ANKRD17: variants seen among roughly 807,000 people sequenced by gnomAD.
The protein encoded by ANKRD17 is ankyrin repeat domain-containing protein 17.
In ANKRD17, 19 loss-of-function variants were observed where a neutral mutation model predicts 229.7. The observed-to-expected ratio is 0.08, with a 90% confidence interval of 0.06 to 0.12. The LOEUF (loss-of-function observed/expected upper bound fraction) is 0.12. Ranked by LOEUF, ANKRD17 falls within the 10% of genes least tolerant of loss-of-function variation. ANKRD17 has a pLI of 1.00. For synonymous variants in ANKRD17, 1,112 were observed against 1,146.1 expected, an observed-to-expected ratio of 0.97 and a Z score of 0.60; for missense variants, 2,176 against 3,176.8, an observed-to-expected ratio of 0.68 and a Z score of 7.57.
At chr4:73,145,401 T>C (rs1236282571) in intron 10 of ANKRD17, among the ~76,000 whole-genome samples, 1 of 152,174 alleles carries the variant, frequency 6.6e-6, no homozygotes, top group African/African-American at 2.4e-5. Context: ...AAGAGCTTTC[T>C]GGGTCCCAAA....
Position 73,258,339 on chromosome 4 carries a change from G to GCCGCCGCCGCCACCTCCGCCTCCA in ANKRD17, c.306_329dup (p.Gly103_Gly110dup). 1 of 1,612,666 alleles carries GCCGCCGCCGCCACCTCCGCCTCCA rather than the reference G, an allele frequency of 6.2e-7. No homozygotes were observed. The highest frequency in any genetic ancestry group is 8.5e-7 in the Non-Finnish European group (1 of 1,179,634). ...CTTCCTCGCTGTTGTTACTGCTGGT[G>GCCGCCGCCGCCACCTCCGCCTCCA]CCGCCGCCGCCACCTCCGCCTCCAC... On this transcript the variant is annotated inframe_insertion, in exon 1 of 34. Coordinates refer to ENST00000358602, the MANE Select transcript of ANKRD17 (RefSeq NM_032217.5).
Position 73,135,109 on chromosome 4 carries a change from G to A in ANKRD17, c.3234+8C>T. 1 of 1,610,088 alleles carries A rather than the reference G, an allele frequency of 6.2e-7. No homozygotes were observed. Among genetic ancestry groups the A allele is most frequent in the Non-Finnish European group, 8.5e-7 (1 of 1,177,338 alleles). ...GAAAAAACCATCTCTCTTAAGTTTG[G>A]GACTTACCTGTGCATCAATATCAAT... On this transcript the variant is annotated splice_region_variant and intron_variant, in intron 16 of 33. Transcript: ENST00000358602.
At chr4:73,187,081 G>T (rs1307760420) in intron 1 of ANKRD17, among the ~76,000 whole-genome samples, 9 of 152,150 alleles carry the variant, frequency 5.9e-5, no homozygotes, top group Non-Finnish European at 1.2e-4. Context: ...GTGGGGACCT[G>T]TTAGGGGTCA....
intron 16 of ANKRD17, among the ~76,000 whole-genome samples, chr4:73,127,422 CAT>C (rs1727618554): frequency 6.6e-6 from 1 of 152,082 alleles, no homozygotes; most frequent in African/African-American, 2.4e-5. Flanking sequence ...TTTCTTTTCA[CAT>C]TTTTTAATGC....
At chr4:73,174,509 C>G (rs867179198) in intron 2 of ANKRD17, among the ~76,000 whole-genome samples, 1 of 152,110 alleles carries the variant, frequency 6.6e-6, no homozygotes, top group Non-Finnish European at 1.5e-5. Context: ...AAGCATCCCC[C>G]CAAGAACTGG....
rs1730129238 is a variant in ANKRD17 at position 73,145,341 on chromosome 4, T to C, written c.1870-509A>G. ...TTCCTATTATCTCTAGTTTCCCTTA[T>C]ACAAAAATGATAACAAACTTTTCTA... On this transcript the variant is annotated intron_variant, in intron 10 of 33. Transcript: ENST00000358602. 2.0e-5 allele frequency among the ~76,000 whole-genome samples: 3 copies of C among 152,102 alleles called. No homozygotes were observed. In the South Asian group the frequency reaches 6.2e-4, roughly 32 times the overall value.
At chr4:73,236,481 T>A (rs890613536) in intron 1 of ANKRD17, among the ~76,000 whole-genome samples, 2 of 152,150 alleles carry the variant, frequency 1.3e-5, no homozygotes, top group East Asian at 3.9e-4. Flanking sequence ...AAGGTTCATA[T>A]TGTATGGTTC....
intron 30 of ANKRD17, among the ~76,000 whole-genome samples, chr4:73,082,987 G>A (rs1456626363): frequency 2.0e-5 from 3 of 152,090 alleles, no homozygotes; most frequent in Non-Finnish European, 4.4e-5. Flanking sequence ...AAGTTATTTA[G>A]GGGCAAAAGG....
chr4:73,168,372 TGATTATA>T (rs1733517621), intron 2 of ANKRD17, among the ~76,000 whole-genome samples: 2 of 152,112 alleles, frequency 1.3e-5, no homozygotes, highest in South Asian at 2.1e-4. Context: ...GTCTTTAAAA[TGATTATA>T]GAGATTTCAT....
intron 6 of ANKRD17, 97 bp downstream of exon 6, chr4:73,153,783 T>C: frequency 1.2e-6 from 1 of 862,140 alleles, no homozygotes; most frequent in Non-Finnish European, 1.7e-6. Context: ...CTATATACTA[T>C]CATTGTTTTA....
chr4:73,215,384 C>T (rs1320762351), intron 1 of ANKRD17, among the ~76,000 whole-genome samples: 2 of 152,076 alleles, frequency 1.3e-5, no homozygotes, highest in East Asian at 3.9e-4. Flanking sequence ...CTCAGCCTGC[C>T]GAGTAGCTGG....
rs377570971 is a variant in ANKRD17, at chr4:73,258,447, G to T, written c.222C>A (p.Ala74=). Residue 74 remains alanine (A), a synonymous_variant, in exon 1 of 34, where the codon GCC becomes GCA. Transcript: ENST00000358602. ...KKPPQQQHHK[A]KRNRTCRPPS... ...GGGGTCGGCAAGTCCGGTTACGCTTGGCCTTGTGGTGCTGCTGCTGCGGCG... is the reference window on the plus strand; with the variant it reads ...GGGGTCGGCAAGTCCGGTTACGCTTTGCCTTGTGGTGCTGCTGCTGCGGCG... 2.5e-6 allele frequency: 4 copies of T among 1,609,334 alleles called. No homozygotes were observed. The highest frequency in any genetic ancestry group is 1.7e-6 in the Non-Finnish European group (2 of 1,178,788).
chr4:73,093,591 C>T (rs990425328), intron 28 of ANKRD17, among the ~76,000 whole-genome samples: 23 of 152,070 alleles, frequency 1.5e-4, no homozygotes, highest in Non-Finnish European at 2.9e-4. Flanking sequence ...TGAGGCTGGT[C>T]TCGAACTCCT....
intron 1 of ANKRD17, among the ~76,000 whole-genome samples, chr4:73,198,627 AAC>A (rs1738217062): frequency 6.6e-6 from 1 of 152,218 alleles, no homozygotes; most frequent in African/African-American, 2.4e-5. Flanking sequence ...TCTTAGTATA[AAC>A]AGTCTAGTAT....
chr4:73,229,466 C>A (rs1057175489), intron 1 of ANKRD17, among the ~76,000 whole-genome samples: 1 of 151,944 alleles, frequency 6.6e-6, no homozygotes, highest in Non-Finnish European at 1.5e-5. Flanking sequence ...CAGATTTATT[C>A]TTAGTTCATC....
chr4:73,203,910 T>C (rs1739057715), intron 1 of ANKRD17, among the ~76,000 whole-genome samples: 2 of 150,802 alleles, frequency 1.3e-5, no homozygotes, highest in South Asian at 2.1e-4. Context: ...ATGAAACTAC[T>C]AAAAATCAAC....
At chr4:73,166,088 A>T (rs1370461305) in intron 2 of ANKRD17, among the ~76,000 whole-genome samples, 1 of 152,258 alleles carries the variant, frequency 6.6e-6, no homozygotes, top group African/African-American at 2.4e-5. Flanking sequence ...TATTTATAGT[A>T]AATTGTTATG....
At chr4:73,078,562 G>A (rs1721242692) in intron 31 of ANKRD17, 80 bp downstream of exon 31, 5 of 1,430,626 alleles carry the variant, frequency 3.5e-6, no homozygotes, top group East Asian at 4.8e-5. Flanking sequence ...AAAAGGAAAT[G>A]ACTATTAAAG....
chr4:73,222,829 C>T (rs950624313), intron 1 of ANKRD17: 4 of 630,604 alleles, frequency 6.3e-6, no homozygotes, highest in Non-Finnish European at 8.2e-6. Flanking sequence ...CATTCTCACA[C>T]GGAATAGGTC....
Sources: allele counts gnomAD v4.1 joint callset (sites outside exome capture counted in the v4.1 genomes callset), GRCh38; gene constraint gnomAD v4.1.1; transcripts MANE v1.5; gene names NCBI Gene and HGNC (gene_info 2026-07-23, HGNC 2026-07-21).